FLT3: variants seen among roughly 807,000 people sequenced by gnomAD.
FLT3 encodes receptor-type tyrosine-protein kinase FLT3.
In FLT3, 46 loss-of-function variants were observed where a neutral mutation model predicts 126.6. The observed-to-expected ratio is 0.36, with a 90% CI of 0.29 to 0.46. The LOEUF is 0.46. FLT3 is among the 20% of genes least tolerant of loss of function. The pLI, the probability that FLT3 is intolerant of heterozygous loss-of-function variation, is 1.00. For missense variants in FLT3, 1,069 were observed against 1,190.3 expected (o/e 0.90, Z 1.50); for synonymous variants, 404 against 434.4 (o/e 0.93, Z 0.87).
chr13:28,056,703 C>T (rs1447435705), intron 4 of FLT3, among the ~76,000 whole-genome samples: 3 of 152,164 alleles, frequency 2.0e-5, no homozygotes, highest in East Asian at 1.9e-4. Context: ...TGTGGGCCCG[C>T]GCTGTCCAAC....
chr13:28,012,277 G>A (rs17086214), intron 23 of FLT3, among the ~76,000 whole-genome samples: 42,842 of 151,906 alleles, frequency 0.28, 6,228 homozygotes, highest in African/African-American at 0.34. Context: ...GCCATTCAAC[G>A]GTTCCTGATA....
intron 19 of FLT3, among the ~76,000 whole-genome samples, chr13:28,021,391 A>G (rs932190396): frequency 1.3e-5 from 2 of 152,160 alleles, no homozygotes; most frequent in Non-Finnish European, 2.9e-5. Context: ...CATTGTCTCA[A>G]AAACAAAAAC....
chr13:28,062,383 T>C (rs1424688561), intron 2 of FLT3, among the ~76,000 whole-genome samples: 1 of 152,152 alleles, frequency 6.6e-6, no homozygotes, highest in Non-Finnish European at 1.5e-5. Flanking sequence ...AGATGGTCTT[T>C]ACAGTGGTAA....
intron 9 of FLT3, among the ~76,000 whole-genome samples, chr13:28,041,585 A>C (rs1874383039): frequency 6.6e-6 from 1 of 152,174 alleles, no homozygotes. Context: ...GGAACACAAA[A>C]CTGAATATCC....
At chr13:28,072,960 G>A (rs953958485) in intron 1 of FLT3, among the ~76,000 whole-genome samples, 4 of 152,036 alleles carry the variant, frequency 2.6e-5, no homozygotes, top group South Asian at 2.1e-4. Flanking sequence ...AGCCAAGATC[G>A]TGCCACTGCA....
At chr13:28,091,198 C>G (rs1237978725) in intron 1 of FLT3, among the ~76,000 whole-genome samples, 1 of 131,538 alleles carries the variant, frequency 7.6e-6, no homozygotes, top group Non-Finnish European at 1.6e-5. Context: ...CCTCTTTGGG[C>G]CCCATTTTCT....
chr13:28,059,366 C>T (rs1876329266), intron 3 of FLT3, among the ~76,000 whole-genome samples: 1 of 152,118 alleles, frequency 6.6e-6, no homozygotes, highest in Non-Finnish European at 1.5e-5. Flanking sequence ...GTTAAGAGGG[C>T]ATTTAATTGA....
chr13:28,053,416 G>A (rs1405088940), intron 4 of FLT3, among the ~76,000 whole-genome samples: 32 of 103,656 alleles, frequency 3.1e-4, no homozygotes, highest in African/African-American at 1.2e-3. Flanking sequence ...ATATATATAT[G>A]AAAGAATATA....
chr13:28,088,975 G>A (rs1290005976), intron 1 of FLT3, among the ~76,000 whole-genome samples: 7 of 152,056 alleles, frequency 4.6e-5, no homozygotes, highest in Non-Finnish European at 8.8e-5. Flanking sequence ...TCCATAATAT[G>A]CAAAGAACCC....
rs1282824916 is a variant in FLT3 at position 28,035,929 on chromosome 13, T to C, written c.1418+6A>G. 6.2e-7 allele frequency: 1 copy of C among 1,603,044 alleles called. No individual in the cohort carries two copies. Among genetic ancestry groups the C allele is most frequent in the Admixed American group, 1.7e-5 (1 of 60,014 alleles). On this transcript the variant is annotated splice_donor_region_variant and intron_variant, in intron 11 of 23. Coordinates refer to ENST00000241453, the MANE Select transcript of FLT3 (RefSeq NM_004119.3). ...CCATTATAAGAGGCATCAATGTCCT[T>C]ATTACTTGGGAGACTTGTCTGAACA...
intron 4 of FLT3, among the ~76,000 whole-genome samples, chr13:28,055,853 C>T (rs59083233): frequency 0.021 from 3,180 of 152,148 alleles, 96 homozygotes; most frequent in African/African-American, 0.071. Flanking sequence ...TTCATCCAAC[C>T]TGGGGCACGT....
At chr13:28,029,034 C>T (rs974790273) in intron 15 of FLT3, among the ~76,000 whole-genome samples, 10 of 152,132 alleles carry the variant, frequency 6.6e-5, no homozygotes, top group East Asian at 2.0e-4. Context: ...CTCCCAACTC[C>T]GCCTCCCAAA....
rs1204514478 is a variant in FLT3, at chr13:28,015,213, G to T, written c.2697C>A (p.Tyr899Ter). 6.2e-7 allele frequency: 1 copy of T among 1,612,778 alleles called. No individual in the cohort carries two copies. The highest frequency in any genetic ancestry group is 1.7e-5 in the Admixed American group (1 of 59,988). The stretch of plus-strand genomic sequence containing the variant: ...TTTTAAATCCATTTTGAATCAGTTT[G>T]TAGAAGTTAGCATCAACCGGAATGC... ...YPGIPVDANF[Y>*]KLIQNGFKMD... is the part of the protein sequence containing the mutation. The change falls in exon 22 of 24, where the codon TAC becomes TAA. Residue 899 changes from tyrosine (Y) to a stop codon, truncating the protein, a stop_gained. Transcript: ENST00000241453. LOFTEE classifies it high-confidence loss of function.
chr13:28,036,222 A>G (rs1293046004), intron 10 of FLT3, among the ~76,000 whole-genome samples, 179 bp from the exon 11 acceptor site: 1 of 152,178 alleles, frequency 6.6e-6, no homozygotes, highest in East Asian at 1.9e-4. Context: ...AAGCTCTTGG[A>G]GTATGGTACT....
intron 23 of FLT3, among the ~76,000 whole-genome samples, chr13:28,007,170 A>C (rs1870981621): frequency 6.6e-6 from 1 of 152,186 alleles, no homozygotes; most frequent in Admixed American, 6.5e-5. Flanking sequence ...AAAGAAGTAT[A>C]TAAATTTTCT....
intron 9 of FLT3, among the ~76,000 whole-genome samples, chr13:28,043,458 A>G (rs1052785443): frequency 6.6e-6 from 1 of 152,214 alleles, no homozygotes; most frequent in Non-Finnish European, 1.5e-5. Flanking sequence ...TGCACATACC[A>G]TGACCACACC....
chr13:28,074,881 A>G (rs7321811), intron 1 of FLT3, among the ~76,000 whole-genome samples: 122,433 of 151,962 alleles, frequency 0.81, 49,424 homozygotes, highest in East Asian at 0.95. Context: ...TTGTCTGCCC[A>G]CCTTGGGCTC....
intron 1 of FLT3, among the ~76,000 whole-genome samples, chr13:28,091,373 C>A (rs1167132485): frequency 6.7e-6 from 1 of 149,640 alleles, no homozygotes; most frequent in Non-Finnish European, 1.5e-5. Flanking sequence ...AGGCGCCCGC[C>A]ACCACGCCCG....
chr13:28,093,318 G>T (rs1019375227), intron 1 of FLT3, among the ~76,000 whole-genome samples: 1 of 151,700 alleles, frequency 6.6e-6, no homozygotes, highest in Non-Finnish European at 1.5e-5. Context: ...CATGTAGCTG[G>T]GACTACAGGC....
Sources: allele counts gnomAD v4.1 joint callset (sites outside exome capture counted in the v4.1 genomes callset), GRCh38; gene constraint gnomAD v4.1.1; transcripts MANE v1.5; gene names NCBI Gene and HGNC (gene_info 2026-07-23, HGNC 2026-07-21).